The following SWI5 variants were observed in gnomAD, a reference collection of about 807,000 sequenced individuals.
The protein encoded by SWI5 is SWI5 homologous recombination repair protein.
A neutral mutation model predicts 17.0 loss-of-function variants in SWI5; 12 were observed. The observed-to-expected ratio is 0.71, with a 90% CI of 0.45 to 1.14. The LOEUF (loss-of-function observed/expected upper bound fraction) is 1.14. Ranked by LOEUF, SWI5 falls within the 50% of genes most tolerant of loss-of-function variation. The probability of loss-of-function intolerance (pLI) is 0.00; values close to 1 mark genes in which losing one functional copy is unlikely to be tolerated. For synonymous variants in SWI5, 61 were observed against 64.0 expected (o/e 0.95, Z 0.22); for missense variants, 158 against 162.2 (o/e 0.97, Z 0.14).
At chr9:128,286,449 C>T (rs1171527959) in intron 4 of SWI5, 1 of 170,158 alleles carries the variant, frequency 5.9e-6, no homozygotes. Context: ...ATCTTGCTAT[C>T]TAGAGGGCTT....
At chr9:128,279,059 C>G (rs996372040) in intron 2 of SWI5, among the ~76,000 whole-genome samples, 1 of 152,132 alleles carries the variant, frequency 6.6e-6, no homozygotes, top group African/African-American at 2.4e-5. Context: ...CATGAGCCAC[C>G]GTGCCTGGGC....
At chr9:128,278,973 G>T (rs1269857606) in intron 2 of SWI5, among the ~76,000 whole-genome samples, 1 of 151,960 alleles carries the variant, frequency 6.6e-6, no homozygotes, top group African/African-American at 2.4e-5. Flanking sequence ...GTTTTGCCAT[G>T]TTGGCCAGGC....
intron 4 of SWI5, among the ~76,000 whole-genome samples, chr9:128,286,732 G>A (rs182960480): frequency 3.3e-5 from 5 of 152,292 alleles, no homozygotes; most frequent in African/African-American, 4.8e-5. Context: ...TTCACTGGAC[G>A]ATGGGCCCCA....
Position 128,276,623 on chromosome 9 carries a change from C to G in SWI5, c.63-84C>G, listed in dbSNP as rs751543355. On this transcript the variant is annotated intron_variant, in intron 1 of 4. Transcript: ENST00000418976. Reference sequence around the variant, plus strand: ...CCCTGGCGCTCCTACTTCCCAACTGCTCCTCCTCCCGCATCCCCACAGTAC... The same window carrying G: ...CCCTGGCGCTCCTACTTCCCAACTGGTCCTCCTCCCGCATCCCCACAGTAC... The G allele has an allele frequency of 3.5e-5, 56 of 1,612,546 alleles. No homozygotes were observed. Among genetic ancestry groups the G allele is most frequent in the Non-Finnish European group, 4.7e-5 (55 of 1,179,354 alleles).
At chr9:128,283,322 TA>T (rs1831575072) in intron 2 of SWI5, among the ~76,000 whole-genome samples, 2 of 151,414 alleles carry the variant, frequency 1.3e-5, no homozygotes, top group South Asian at 4.2e-4. Flanking sequence ...AACTCTGTTT[TA>T]AAAAAAAGTA....
chr9:128,278,545 C>G (rs1179855785), intron 2 of SWI5: 1 of 439,112 alleles, frequency 2.3e-6, no homozygotes, highest in Non-Finnish European at 4.6e-6. Flanking sequence ...GCCTGGGCAA[C>G]AGAGCGAAAC....
intron 4 of SWI5, among the ~76,000 whole-genome samples, chr9:128,287,576 T>C (rs1281049738): frequency 1.3e-3 from 184 of 145,132 alleles, no homozygotes; most frequent in Non-Finnish European, 2.3e-3. Flanking sequence ...TTTTTTTTTT[T>C]CGTTAGACTG....
At chr9:128,288,517 G>A (rs1026347461) in intron 4 of SWI5, 135 bp from the exon 5 acceptor site, 3 of 889,958 alleles carry the variant, frequency 3.4e-6, no homozygotes, top group Non-Finnish European at 5.4e-6. Flanking sequence ...GTTAGGCAAG[G>A]CACAAGTGTG....
chr9:128,278,473 A>G (rs898575936), intron 2 of SWI5, among the ~76,000 whole-genome samples: 23 of 151,748 alleles, frequency 1.5e-4, no homozygotes, highest in Non-Finnish European at 3.2e-4. Flanking sequence ...AGACTGAGGC[A>G]GGAGAATCGC....
chr9:128,288,271 G>T (rs1831679769), intron 4 of SWI5, among the ~76,000 whole-genome samples: 1 of 152,172 alleles, frequency 6.6e-6, no homozygotes, highest in Non-Finnish European at 1.5e-5. Context: ...GGAATGTTCA[G>T]CAGGCACAGC....
Position 128,288,655 on chromosome 9 carries a change from T to A in SWI5, c.332T>A (p.Val111Glu), listed in dbSNP as rs987461799. ...AGCCTGCCTTCCTTCCTTTCAGCTG[T>A]GATCCGAGGTGTCACCACCAAAGAG... is the stretch of plus-strand genomic sequence containing the variant. Residue 111 changes from valine (V) to glutamate (E), a missense_variant, in exon 5 of 5, where the codon GTG (valine) becomes GAG (glutamate). By Grantham distance (121) the Val-to-Glu change is moderately radical. Coordinates refer to ENST00000418976, the Ensembl canonical transcript of SWI5. The A allele has an allele frequency of 3.7e-6, 6 of 1,614,006 alleles. No individual in the cohort carries two copies. The Admixed American group carries it at 1.0e-4, about 27-fold the overall frequency.
rs544165610 is a variant in SWI5 at position 128,288,957 on chromosome 9, C to T, written c.*241C>T. 29 of 567,406 alleles carry T rather than the reference C, an allele frequency of 5.1e-5. No homozygotes were observed. The Middle Eastern group carries it at 1.4e-3, about 28-fold the overall frequency. The allele number at this position is 567,406 out of a possible 1,614,324, so 35.1% of individuals were successfully genotyped here. A position where few individuals can be genotyped will look rare whatever the true frequency, so the allele number is the denominator to read the frequency against. On this transcript the variant is annotated 3_prime_UTR_variant, in exon 5 of 5. Transcript: ENST00000418976. ...TGATACTTGTGTAGGGGTACATGTA[C>T]TTTATTTGTCAATAAACGTATCTGT... is the stretch of plus-strand genomic sequence containing the variant.
chr9:128,276,251 G>A (rs779856188), exon 1 of SWI5: 20 of 1,612,584 alleles, frequency 1.2e-5, no homozygotes, highest in Non-Finnish European at 1.6e-5. Context: ...CTTTCCTTGG[G>A]TGCGCGCGCA....
chr9:128,276,470 CCCAGAAATCACCT>C, intron 1 of SWI5, 68 bp downstream of exon 1: 1 of 1,586,082 alleles, frequency 6.3e-7, no homozygotes, highest in East Asian at 2.3e-5. Flanking sequence ...ACTCTCCCTT[CCCAGAAATCACCT>C]CCAAAGACTC....
intron 2 of SWI5, among the ~76,000 whole-genome samples, chr9:128,283,583 G>C (rs1320085403): frequency 2.0e-5 from 3 of 152,242 alleles, no homozygotes; most frequent in Non-Finnish European, 4.4e-5. Flanking sequence ...TCTGGGGTCA[G>C]ACTGGGGACA....
rs1831612832 is a variant in SWI5, at chr9:128,285,037, A to G, written c.233+406A>G. On this transcript the variant is annotated intron_variant, in intron 3 of 4. Transcript: ENST00000418976. This position sits in a 1 kb window ranked among gnomAD's most constrained non-coding sequence, Gnocchi z 4.8. The stretch of plus-strand genomic sequence containing the variant: ...AAACCCAGTCGCACTGGCCTAGCAT[A>G]GAAATACGACTGTGCGCTACTCAGG... Among the ~76,000 whole-genome samples, 1 of 151,240 alleles carries G rather than the reference A, an allele frequency of 6.6e-6. No homozygotes were observed. The highest frequency in any genetic ancestry group is 1.5e-5 in the Non-Finnish European group (1 of 67,870).
chr9:128,275,879 C>G (rs1366605472), upstream of SWI5: 4 of 1,478,428 alleles, frequency 2.7e-6, no homozygotes, highest in Non-Finnish European at 1.9e-6. Flanking sequence ...GGGCCGCGAC[C>G]CGGTGCACTT....
intron 2 of SWI5, among the ~76,000 whole-genome samples, chr9:128,281,069 G>A (rs1211875912): frequency 3.6e-5 from 4 of 112,264 alleles, no homozygotes; most frequent in African/African-American, 6.9e-5. Context: ...AGAGAGTCTC[G>A]CTCTGTCACC....
upstream of SWI5, chr9:128,276,041 G>C (rs1831344366): frequency 1.9e-6 from 3 of 1,590,228 alleles, no homozygotes; most frequent in East Asian, 4.5e-5. Flanking sequence ...GACGGAGCCA[G>C]AGGAGGCGTA....
Sources: gnomAD v4.1 joint callset for allele counts (sites outside exome capture counted in the v4.1 genomes callset) on GRCh38, gnomAD v4.1.1 for gene constraint, Gnocchi (gnomAD v3.1) non-coding constraint, MANE v1.5 for transcripts, NCBI Gene and HGNC (gene_info 2026-07-23, HGNC 2026-07-21) for gene names.